The following DMD variants were observed in gnomAD, a reference collection of about 807,000 sequenced individuals.
DMD encodes the protein dystrophin.
DMD carries 63 observed loss-of-function variants against 330.1 expected under a neutral mutation model. The ratio of observed to expected loss-of-function variants is 0.19; its 90% CI spans 0.16 to 0.24. The LOEUF (loss-of-function observed/expected upper bound fraction) is 0.24, where lower values mean the gene tolerates loss of function less well. Among genes scored for constraint, DMD ranks in the 10% least tolerant of loss-of-function variants. DMD has a pLI of 1.00. For missense variants in DMD, 3,344 were observed against 2,684.1 expected, an observed-to-expected ratio of 1.25 and a Z score of -5.43; for synonymous variants, 1,223 against 959.8, an observed-to-expected ratio of 1.27 and a Z score of -5.07.
At chrX:32,409,046 C>G (rs1369981364) in intron 30 of DMD, among the ~76,000 whole-genome samples, 2 of 111,161 alleles carry the variant, frequency 1.8e-5, no homozygotes, top group African/African-American at 3.3e-5. Flanking sequence ...ACTTTTGACT[C>G]TCTATTTTAT....
chrX:31,181,434 CTTT>C (rs2041144855), intron 68 of DMD, among the ~76,000 whole-genome samples: 1 of 111,331 alleles, frequency 9.0e-6, no homozygotes, highest in African/African-American at 3.3e-5. Flanking sequence ...CATTCTTCTT[CTTT>C]ATTTTATAAA....
At chrX:32,656,659 C>T (rs746090032) in intron 9 of DMD, among the ~76,000 whole-genome samples, 1 of 111,743 alleles carries the variant, frequency 8.9e-6, no homozygotes, top group East Asian at 2.8e-4. Flanking sequence ...ATGAAGGTTC[C>T]AGTCATTTTG....
At chrX:31,663,598 C>A (rs2081255546) in intron 53 of DMD, among the ~76,000 whole-genome samples, 1 of 111,450 alleles carries the variant, frequency 9.0e-6, no homozygotes, top group Non-Finnish European at 1.9e-5. Context: ...GCATCCTTCT[C>A]TCTAGTCTCA....
At position 32,189,626 on chromosome X, in the gene DMD, G is replaced by A. The variant is rs901773941; in HGVS notation, c.6438+27290C>T. ...TACTACGCAGCAGGCATACTTCTAG[G>A]ATTTTTTTTTTTTTCCTATATAACC... On this transcript the variant is annotated intron_variant, in intron 44 of 78. Coordinates refer to ENST00000357033, the MANE Select transcript of DMD (RefSeq NM_004006.3). 2.2e-4 allele frequency among the ~76,000 whole-genome samples: 13 copies of A among 58,465 alleles called. No homozygotes were observed. The East Asian group carries it at 3.8e-3, about 17-fold the overall frequency. 50.8% of individuals were successfully genotyped at this position (58,465 alleles called of 115,157 possible). A position where few individuals can be genotyped will look rare whatever the true frequency, so the allele number is the denominator to read the frequency against.
intron 7 of DMD, among the ~76,000 whole-genome samples, chrX:32,805,735 T>A (rs932269261): frequency 1.9e-4 from 21 of 112,176 alleles, no homozygotes; most frequent in African/African-American, 6.8e-4. Flanking sequence ...TAACAGCAGA[T>A]CTTTCTGCAG....
Position 32,343,212 on chromosome X carries a change from A to C in DMD, c.5661T>G (p.Asp1887Glu). ...HQWYQYKRQA[D>E]DLLKCLDDIE... The stretch of plus-strand genomic sequence containing the variant: ...TGTCATCCAAGCATTTCAGGAGATC[A>C]TCAGCCTGCCTCTTGTACTGATACC... Residue 1887 changes from aspartate (D) to glutamate (E), a missense_variant, in exon 40 of 79, where the codon GAT (aspartate) becomes GAG (glutamate). Asp to Glu is a conservative substitution (Grantham distance 45). Transcript: ENST00000357033. 1.7e-6 allele frequency: 2 copies of C among 1,209,552 alleles called. No individual in the cohort carries two copies. Among genetic ancestry groups the C allele is most frequent in the Non-Finnish European group, 2.2e-6 (2 of 893,700 alleles).
intron 7 of DMD, among the ~76,000 whole-genome samples, chrX:32,746,719 C>T (rs1481776766): frequency 9.0e-6 from 1 of 111,465 alleles, no homozygotes; most frequent in Non-Finnish European, 1.9e-5. Flanking sequence ...TTTCAAAATC[C>T]TCTCTTCTAG....
In DMD at chrX:32,252,847, TATAA is replaced by T. The variant is rs1303463439; in HGVS notation, c.6290+34678_6290+34681del. Among the ~76,000 whole-genome samples, 7 of 75,138 alleles carry T rather than the reference TATAA, an allele frequency of 9.3e-5. No individual in the cohort carries two copies. In the East Asian group the frequency reaches 1.9e-3, roughly 20 times the overall value. The allele number at this position is 75,138 out of a possible 115,157, so 65.2% of individuals were successfully genotyped here. Reference sequence around the variant, plus strand: ...AAATATATATAAATATATATAAATATATAAATATATATAAATATATAAATATATA... The same window carrying T: ...AAATATATATAAATATATATAAATATATATATATAAATATATAAATATATA... On this transcript the variant is annotated intron_variant, in intron 43 of 78. Transcript: ENST00000357033.
chrX:32,236,624 A>T (rs2097188919), intron 43 of DMD, among the ~76,000 whole-genome samples: 1 of 111,035 alleles, frequency 9.0e-6, no homozygotes, highest in Admixed American at 9.6e-5. Flanking sequence ...TATAAAGGGG[A>T]CTTTCTTTGC....
chrX:32,489,150 C>G (rs776684896), intron 20 of DMD, among the ~76,000 whole-genome samples: 19 of 111,163 alleles, frequency 1.7e-4, no homozygotes, highest in Non-Finnish European at 3.0e-4. Context: ...TCTCTCTTCT[C>G]TGCTTTCCGT....
intron 55 of DMD, among the ~76,000 whole-genome samples, chrX:31,535,369 G>A (rs1267580712): frequency 6.4e-4 from 27 of 42,407 alleles, no homozygotes; most frequent in Non-Finnish European, 9.5e-4. Context: ...ACAAACCTGA[G>A]AAAAACAAGC....
chrX:31,893,845 C>T (rs754864671), intron 47 of DMD, among the ~76,000 whole-genome samples: 2 of 111,566 alleles, frequency 1.8e-5, no homozygotes, highest in East Asian at 2.9e-4. Flanking sequence ...CGAGGGCCTT[C>T]CCTGAGTATC....
chrX:32,731,069 C>T (rs776614386), intron 7 of DMD, among the ~76,000 whole-genome samples: 4 of 111,727 alleles, frequency 3.6e-5, no homozygotes, highest in South Asian at 7.5e-4. Context: ...GTGCGCGACC[C>T]GAAGCAGGGT....
intron 43 of DMD, among the ~76,000 whole-genome samples, chrX:32,281,182 G>A (rs924759039): frequency 3.6e-5 from 4 of 111,848 alleles, no homozygotes; most frequent in Non-Finnish European, 7.5e-5. Context: ...CTAATGACCT[G>A]TGGAACTGTG....
chrX:32,969,522 A>G (rs1394273724), intron 2 of DMD, among the ~76,000 whole-genome samples: 1 of 93,945 alleles, frequency 1.1e-5, no homozygotes, highest in East Asian at 3.3e-4. Flanking sequence ...TCCTATCTAT[A>G]AAGCTATAAA....
intron 55 of DMD, chrX:31,508,347 G>T: frequency 1.1e-6 from 1 of 950,984 alleles, no homozygotes; most frequent in Non-Finnish European, 1.4e-6. Context: ...CTTACATTCT[G>T]TTGACAGAAT....
intron 41 of DMD, among the ~76,000 whole-genome samples, chrX:32,325,209 A>G (rs2097644914): frequency 9.0e-6 from 1 of 111,020 alleles, no homozygotes; most frequent in African/African-American, 3.3e-5. Flanking sequence ...TAAATTGTAG[A>G]CTTTTTTTTT....
At chrX:32,042,190 TAC>T (rs201543879) in intron 44 of DMD, among the ~76,000 whole-genome samples, 106 of 82,929 alleles carry the variant, frequency 1.3e-3, no homozygotes, top group South Asian at 4.3e-3. Flanking sequence ...TACATACATA[TAC>T]ACACACACAC....
At chrX:33,026,466 A>G (rs1385074967) in intron 1 of DMD, among the ~76,000 whole-genome samples, 3 of 110,348 alleles carry the variant, frequency 2.7e-5, no homozygotes, top group African/African-American at 6.6e-5. Flanking sequence ...AATGATAAAC[A>G]TTAGATAAGG....
Sources: allele counts gnomAD v4.1 joint callset (sites outside exome capture counted in the v4.1 genomes callset), GRCh38; gene constraint gnomAD v4.1.1; transcripts MANE v1.5; gene names NCBI Gene and HGNC (gene_info 2026-07-23, HGNC 2026-07-21).